NIPSNAP1: variants seen among roughly 807,000 people sequenced by gnomAD.
The protein encoded by NIPSNAP1 is protein NipSnap homolog 1.
Under a neutral mutation model 49.2 loss-of-function variants are expected in NIPSNAP1, and 25 were observed. The observed-to-expected ratio is 0.51, with a 90% CI of 0.37 to 0.71. The LOEUF is 0.71. Among genes scored for constraint, NIPSNAP1 ranks in the 30% least tolerant of loss-of-function variants. The pLI, the probability that NIPSNAP1 is intolerant of heterozygous loss-of-function variation, is 0.00. For synonymous variants in NIPSNAP1, 143 were observed against 140.7 expected (o/e 1.02, Z -0.12); for missense variants, 294 against 361.0 (o/e 0.81, Z 1.50).
chr22:29,556,893 G>T (rs1218322911), intron 9 of NIPSNAP1, among the ~76,000 whole-genome samples: 5 of 151,958 alleles, frequency 3.3e-5, no homozygotes, highest in Non-Finnish European at 5.9e-5. Context: ...GGGATTACAG[G>T]CATGTGCCAC....
intron 3 of NIPSNAP1, chr22:29,569,945 C>T (rs1364484888): frequency 2.7e-5 from 15 of 556,934 alleles, no homozygotes; most frequent in Non-Finnish European, 3.9e-5. Context: ...GCCGAGATCG[C>T]GCCATTGCAC....
chr22:29,580,261 G>A, intron 1 of NIPSNAP1: 1 of 1,279,650 alleles, frequency 7.8e-7, no homozygotes, highest in African/African-American at 1.5e-5. Flanking sequence ...GAAGTACAGG[G>A]CTGTGGGGAC....
chr22:29,566,404 G>A (rs147117907), intron 4 of NIPSNAP1, among the ~76,000 whole-genome samples: 21 of 152,086 alleles, frequency 1.4e-4, no homozygotes, highest in Non-Finnish European at 2.4e-4. Flanking sequence ...TCACGGCCTC[G>A]AACTCCTGGG....
Position 29,561,185 on chromosome 22 carries a change from C to T in NIPSNAP1, c.597G>A (p.Glu199=), listed in dbSNP as rs548788416. Residue 199 remains glutamate (E), a synonymous_variant, in exon 7 of 10, where the codon GAG becomes GAA. Transcript: ENST00000216121. ...CTGCCACTTACCAGTTGTTCCCCCA[C>T]TCGATCATGGTTCCTGGCTGAAAGA... ...TYKLKPGTMI[E]WGNNWARAIK... 1.2e-6 allele frequency: 2 copies of T among 1,613,578 alleles called. No individual in the cohort carries two copies. Among genetic ancestry groups the T allele is most frequent in the South Asian group, 1.1e-5 (1 of 91,082 alleles).
chr22:29,573,236 T>A (rs1031149621), intron 1 of NIPSNAP1, among the ~76,000 whole-genome samples: 1 of 152,142 alleles, frequency 6.6e-6, no homozygotes, highest in Non-Finnish European at 1.5e-5. Context: ...GGGGTTTTAC[T>A]ATGTTGGCCA....
chr22:29,570,575 G>T (rs1184002481), intron 1 of NIPSNAP1, 43 bp from the exon 2 acceptor site: 2 of 1,596,254 alleles, frequency 1.3e-6, no homozygotes, highest in Admixed American at 1.7e-5. Context: ...GAGGTTGGGG[G>T]AGCCCCAGCA....
At chr22:29,580,118 T>C in intron 1 of NIPSNAP1, 1 of 1,304,166 alleles carries the variant, frequency 7.7e-7, no homozygotes, top group South Asian at 1.2e-5. Context: ...AAATATTCCT[T>C]GACCATACAC....
Position 29,561,687 on chromosome 22 carries a change from G to A in NIPSNAP1, c.439-41C>T, listed in dbSNP as rs201733738. ...TAAAGGCATGGCTACCAGGAAGTGCGCTCCATCCTGACAGTGTGCCTCATG... is the reference window on the plus strand; with the variant it reads ...TAAAGGCATGGCTACCAGGAAGTGCACTCCATCCTGACAGTGTGCCTCATG... On this transcript the variant is annotated intron_variant, in intron 5 of 9. Coordinates refer to ENST00000216121, the MANE Select transcript of NIPSNAP1 (RefSeq NM_003634.4). 23 of 1,614,080 alleles carry A rather than the reference G, an allele frequency of 1.4e-5. 1 individual carries two copies. The East Asian group carries it at 1.8e-4, about 13-fold the overall frequency.
intron 1 of NIPSNAP1, among the ~76,000 whole-genome samples, chr22:29,573,586 T>C (rs1022994961): frequency 6.6e-6 from 1 of 151,926 alleles, no homozygotes; most frequent in African/African-American, 2.4e-5. Flanking sequence ...CTGACCAACA[T>C]GGAGAAACCC....
chr22:29,570,030 G>C, intron 3 of NIPSNAP1, 132 bp downstream of exon 3: 1 of 770,558 alleles, frequency 1.3e-6, no homozygotes, highest in South Asian at 1.5e-5. Context: ...AAAGAAAAAG[G>C]CAGAAATAAA....
At chr22:29,564,118 A>G in intron 4 of NIPSNAP1, 1 of 292,340 alleles carries the variant, frequency 3.4e-6, no homozygotes, top group Non-Finnish European at 6.7e-6. Flanking sequence ...TGGGCCCATC[A>G]GCGGAGGAAG....
chr22:29,574,817 G>A (rs1247666244), intron 1 of NIPSNAP1, among the ~76,000 whole-genome samples: 1 of 151,838 alleles, frequency 6.6e-6, no homozygotes, highest in Non-Finnish European at 1.5e-5. Context: ...TCATTAGATG[G>A]GTAGTGCGGT....
At chr22:29,568,741 G>A (rs947007467) in intron 4 of NIPSNAP1, among the ~76,000 whole-genome samples, 3 of 152,050 alleles carry the variant, frequency 2.0e-5, no homozygotes, top group African/African-American at 4.8e-5. Flanking sequence ...GCAGTGAGCC[G>A]AGATTGCACT....
At chr22:29,557,195 T>C (rs1035145019) in intron 9 of NIPSNAP1, among the ~76,000 whole-genome samples, 1 of 151,822 alleles carries the variant, frequency 6.6e-6, no homozygotes, top group South Asian at 2.1e-4. Flanking sequence ...CTCGGCTCAA[T>C]GCAACCTCCG....
At chr22:29,562,838 G>A (rs1467522002) in intron 4 of NIPSNAP1, among the ~76,000 whole-genome samples, 4 of 152,132 alleles carry the variant, frequency 2.6e-5, no homozygotes, top group Admixed American at 2.0e-4. Context: ...GGTGGCTCAC[G>A]CCTGTAATCC....
At position 29,555,413 on chromosome 22, in the gene NIPSNAP1, G is replaced by GT. The variant is rs1331270453; in HGVS notation, c.*521dup. The GT allele has an allele frequency of 6.2e-6, 1 of 161,624 alleles. No homozygotes were observed. The highest frequency in any genetic ancestry group is 1.4e-5 in the Non-Finnish European group (1 of 73,190). The allele number at this position is 161,624 out of a possible 1,614,324, so 10.0% of individuals were successfully genotyped here. On this transcript the variant is annotated 3_prime_UTR_variant, in exon 10 of 10. Coordinates refer to ENST00000216121, the MANE Select transcript of NIPSNAP1 (RefSeq NM_003634.4). ...CTGACCGTGGTGACGAGGTTTGTTT[G>GT]TATTTGTTTTTTTGTTTTGGCAGTT... is the stretch of plus-strand genomic sequence containing the variant.
rs1048715273 is a variant in NIPSNAP1, at chr22:29,574,825, G to C, written c.99-4293C>G. On this transcript the variant is annotated intron_variant, in intron 1 of 9. Transcript: ENST00000216121. ...ACAATTATCATTAGATGGGTAGTGCGGTCTGTGAAGTTTTTGGACCAGAAT... is the reference window on the plus strand; with the variant it reads ...ACAATTATCATTAGATGGGTAGTGCCGTCTGTGAAGTTTTTGGACCAGAAT... Among the ~76,000 whole-genome samples, 4 of 151,716 alleles carry C rather than the reference G, an allele frequency of 2.6e-5. No homozygotes were observed. The East Asian group carries it at 7.7e-4, about 29-fold the overall frequency.
At chr22:29,560,667 T>C (rs2064328854) in intron 8 of NIPSNAP1, 67 bp downstream of exon 8, 4 of 1,275,892 alleles carry the variant, frequency 3.1e-6, no homozygotes, top group African/African-American at 2.9e-5. Context: ...TACAACCCCA[T>C]TGGCTACAGA....
At chr22:29,570,127 G>A (rs746554274) in intron 3 of NIPSNAP1, 35 bp downstream of exon 3, 1 of 1,599,030 alleles carries the variant, frequency 6.3e-7, no homozygotes, top group Non-Finnish European at 8.6e-7. Flanking sequence ...CCCCACCCAA[G>A]CAGGGGATGG....
Sources: gnomAD v4.1 joint callset for allele counts (sites outside exome capture counted in the v4.1 genomes callset) on GRCh38, gnomAD v4.1.1 for gene constraint, MANE v1.5 for transcripts, NCBI Gene and HGNC (gene_info 2026-07-23, HGNC 2026-07-21) for gene names.